LATS2: variants seen among roughly 807,000 people sequenced by gnomAD.
LATS2 encodes large tumor suppressor kinase 2.
A neutral mutation model predicts 76.0 loss-of-function variants in LATS2; 24 were observed. The ratio of observed to expected loss-of-function variants is 0.32; its 90% CI spans 0.23 to 0.44. LATS2 has a LOEUF of 0.44. Ranked by LOEUF, LATS2 falls within the 20% of genes least tolerant of loss-of-function variation. The probability of loss-of-function intolerance (pLI) is 1.00; values close to 1 mark genes in which losing one functional copy is unlikely to be tolerated. For missense variants in LATS2, 1,286 were observed against 1,481.2 expected (o/e 0.87, Z 2.16); for synonymous variants, 692 against 635.4 (o/e 1.09, Z -1.34).
At chr13:21,028,214 A>G (rs919585712) in intron 2 of LATS2, among the ~76,000 whole-genome samples, 1 of 152,160 alleles carries the variant, frequency 6.6e-6, no homozygotes. Context: ...TTTCCTGAGA[A>G]TGATGATTTC....
chr13:20,974,850 T>C lies in LATS2; in HGVS notation c.*20A>G. On this transcript the variant is annotated 3_prime_UTR_variant, in exon 8 of 8. Coordinates refer to ENST00000382592, the MANE Select transcript of LATS2 (RefSeq NM_014572.3). ...CCCTGACCTGGGAGGCAGCGAGTGG[T>C]GGGGGTGCCTGGCCCCCATCTACAC... 2 of 1,584,956 alleles carry C rather than the reference T, an allele frequency of 1.3e-6. No individual in the cohort carries two copies. The highest frequency in any genetic ancestry group is 1.7e-6 in the Non-Finnish European group (2 of 1,164,936).
rs757472527 is a variant in LATS2, at chr13:20,983,773, G to A, written c.1933C>T (p.Arg645Trp). The change falls in exon 5 of 8, where the codon CGG becomes TGG. Residue 645 changes from arginine (R) to tryptophan (W), a missense_variant. Physicochemically the swap from Arg to Trp is moderately radical, Grantham distance 101. Around this residue, in one of 5 missense-constraint regions of LATS2, gnomAD observed 247 missense variants for 385.4 expected, o/e 0.64. Coordinates refer to ENST00000382592, the MANE Select transcript of LATS2 (RefSeq NM_014572.3). ...GACTCTTTCTGGTAGAGGATCTTCC[G>A]CATCTGCTCCTGCTCAGCTTCACAG... ...GLCEAEQEQM[R>W]KILYQKESNY... 4.7e-5 allele frequency: 75 copies of A among 1,612,896 alleles called. No homozygotes were observed. Among genetic ancestry groups the A allele is most frequent in the Non-Finnish European group, 6.0e-5 (71 of 1,179,818 alleles).
chr13:20,991,156 T>C lies in LATS2; in HGVS notation c.475+116A>G. 5 of 1,279,582 alleles carry C rather than the reference T, an allele frequency of 3.9e-6. No individual in the cohort carries two copies. In the South Asian group the frequency reaches 5.5e-5, roughly 14 times the overall value. 79.3% of individuals were successfully genotyped at this position (1,279,582 alleles called of 1,614,324 possible). ...CTTGCCTGTTAACTGAATGAGGCAATGTGCCAGGAGACTGGCTCTGGCCAG... is the reference window on the plus strand; with the variant it reads ...CTTGCCTGTTAACTGAATGAGGCAACGTGCCAGGAGACTGGCTCTGGCCAG... On this transcript the variant is annotated intron_variant, in intron 3 of 7. Transcript: ENST00000382592. This position sits in a 1 kb window ranked among gnomAD's most constrained non-coding sequence, Gnocchi z 4.9.
chr13:21,053,939 TAC>T lies in LATS2; in HGVS notation c.-205+7405_-205+7406del, dbSNP rs1481133578. Among the ~76,000 whole-genome samples the T allele has an allele frequency of 2.6e-5, 4 of 152,228 alleles. No individual in the cohort carries two copies. The East Asian group carries it at 7.7e-4, about 29-fold the overall frequency. ...GAACAGGGAATTTTTACTTAAGGGG[TAC>T]AGTTTTTGTTTGGGATGATGAAAAA... On this transcript the variant is annotated intron_variant, in intron 1 of 7. Transcript: ENST00000382592.
At chr13:20,987,022 C>T (rs1038076255) in intron 4 of LATS2, among the ~76,000 whole-genome samples, 2 of 152,022 alleles carry the variant, frequency 1.3e-5, no homozygotes, top group African/African-American at 4.8e-5. Flanking sequence ...GCGAAACCCC[C>T]GTCTCTACTA....
chr13:21,037,157 C>T (rs1872709942), intron 2 of LATS2, among the ~76,000 whole-genome samples: 1 of 152,164 alleles, frequency 6.6e-6, no homozygotes, highest in African/African-American at 2.4e-5. Context: ...GTAATCTCAG[C>T]ACTCCGGGAG....
At chr13:20,999,863 CAAAAAA>C (rs34389397) in intron 2 of LATS2, among the ~76,000 whole-genome samples, 39 of 136,196 alleles carry the variant, frequency 2.9e-4, no homozygotes, top group Non-Finnish European at 2.2e-4. Flanking sequence ...ACTAAACATA[CAAAAAA>C]AAAAAAAAAA....
chr13:21,015,025 A>G (rs986851394), intron 2 of LATS2, among the ~76,000 whole-genome samples: 1 of 152,206 alleles, frequency 6.6e-6, no homozygotes, highest in Non-Finnish European at 1.5e-5. Flanking sequence ...CCTGGGGTCC[A>G]ACACATGGCC....
At chr13:21,010,461 A>C (rs950494472) in intron 2 of LATS2, among the ~76,000 whole-genome samples, 2 of 152,170 alleles carry the variant, frequency 1.3e-5, no homozygotes, top group African/African-American at 2.4e-5. Flanking sequence ...CTTTTAGTAC[A>C]TCACTCCCAA....
chr13:21,053,552 C>A (rs546151229), intron 1 of LATS2, among the ~76,000 whole-genome samples: 1 of 152,162 alleles, frequency 6.6e-6, no homozygotes, highest in African/African-American at 2.4e-5. Flanking sequence ...GAATCTGCGT[C>A]CTCAGTTCCA....
intron 2 of LATS2, chr13:21,017,945 A>C (rs775802023): frequency 4.6e-5 from 7 of 152,128 alleles, no homozygotes; most frequent in African/African-American, 1.7e-4. Context: ...TCTTCATACT[A>C]ATAATGTGAG....
rs543553219 is a variant in LATS2 at position 21,001,857 on chromosome 13, C to T, written c.343-10453G>A. Among the ~76,000 whole-genome samples the T allele has an allele frequency of 2.7e-5, 4 of 150,838 alleles. No homozygotes were observed. In the East Asian group the frequency reaches 6.0e-4, roughly 23 times the overall value. On this transcript the variant is annotated intron_variant, in intron 2 of 7. Coordinates refer to ENST00000382592, the MANE Select transcript of LATS2 (RefSeq NM_014572.3). ...CAGCGCCCCTGCACTCCAGCCTGGG[C>T]GACAGAGTGAGACTCCGTCTCAAAA... is the stretch of plus-strand genomic sequence containing the variant.
intron 2 of LATS2, among the ~76,000 whole-genome samples, chr13:21,038,920 T>C (rs4770096): frequency 0.85 from 129,837 of 152,180 alleles, 55,545 homozygotes; most frequent in South Asian, 0.91. Flanking sequence ...GCGGAGGTTG[T>C]AATGAGCTGA....
Position 20,974,726 on chromosome 13 carries a change from G to A in LATS2, c.*144C>T, listed in dbSNP as rs1595205429. ...AAAAGTGTCCTGTTTGGGTTTTCTT[G>A]GTGAAGAGCAGAATTTCAAGTGAAG... is the stretch of plus-strand genomic sequence containing the variant. On this transcript the variant is annotated 3_prime_UTR_variant, in exon 8 of 8. Transcript: ENST00000382592. 2 of 859,186 alleles carry A rather than the reference G, an allele frequency of 2.3e-6. No individual in the cohort carries two copies. Among genetic ancestry groups the A allele is most frequent in the East Asian group, 5.3e-5 (2 of 37,796 alleles). The allele number at this position is 859,186 out of a possible 1,614,324, so 53.2% of individuals were successfully genotyped here.
chr13:20,985,412 C>T (rs1870096825), intron 4 of LATS2, among the ~76,000 whole-genome samples: 1 of 152,112 alleles, frequency 6.6e-6, no homozygotes, highest in Admixed American at 6.5e-5. Context: ...CTCAACTCAA[C>T]AGCAAAAAAA....
At position 20,973,708 on chromosome 13, in the gene LATS2, A is replaced by C. The variant is rs1869445522; in HGVS notation, c.*1162T>G. ...TAAAAGAACAAAAAAAAAGTGAGAGAACCATTAGATCACTCAGTTTCCTGA... is the reference window on the plus strand; with the variant it reads ...TAAAAGAACAAAAAAAAAGTGAGAGCACCATTAGATCACTCAGTTTCCTGA... On this transcript the variant is annotated 3_prime_UTR_variant, in exon 8 of 8. Transcript: ENST00000382592. 4.3e-6 allele frequency: 1 copy of C among 230,614 alleles called. No homozygotes were observed. Among genetic ancestry groups the C allele is most frequent in the African/African-American group, 2.2e-5 (1 of 45,202 alleles). 14.3% of individuals were successfully genotyped at this position (230,614 alleles called of 1,614,324 possible).
chr13:21,041,662 G>C (rs1007637636), intron 2 of LATS2, among the ~76,000 whole-genome samples: 2 of 152,136 alleles, frequency 1.3e-5, no homozygotes, highest in Admixed American at 6.6e-5. Flanking sequence ...GCCCATGCCA[G>C]TTTCTCAAGG....
At chr13:21,008,869 A>T (rs1034804411) in intron 2 of LATS2, among the ~76,000 whole-genome samples, 1 of 152,174 alleles carries the variant, frequency 6.6e-6, no homozygotes, top group African/African-American at 2.4e-5. Flanking sequence ...TTGCAAGAGG[A>T]GACATAAAAA....
At chr13:21,048,822 A>G in intron 1 of LATS2, among the ~76,000 whole-genome samples, 1 of 152,066 alleles carries the variant, frequency 6.6e-6, no homozygotes, top group Non-Finnish European at 1.5e-5. Flanking sequence ...GGGCAACAAG[A>G]GCGAAACTCC....
Sources: allele counts gnomAD v4.1 joint callset (sites outside exome capture counted in the v4.1 genomes callset), GRCh38; gene constraint gnomAD v4.1.1; regional missense constraint gnomAD v4.1.1; non-coding constraint Gnocchi (gnomAD v3.1); transcripts MANE v1.5; gene names NCBI Gene and HGNC (gene_info 2026-07-23, HGNC 2026-07-21).